TBC1D5: variants seen among roughly 807,000 people sequenced by gnomAD.
TBC1D5 encodes TBC1 domain family, member 5.
In TBC1D5, 75 loss-of-function variants were observed where a neutral mutation model predicts 100.3. The ratio of observed to expected loss-of-function variants is 0.75; its 90% CI spans 0.62 to 0.91. The LOEUF is 0.91. TBC1D5 is among the 40% of genes least tolerant of loss of function. TBC1D5 has a pLI of 0.00. For synonymous variants in TBC1D5, 323 were observed against 325.6 expected (o/e 0.99, Z 0.09); for missense variants, 910 against 942.4 (o/e 0.97, Z 0.45).
chr3:17,183,150 A>G (rs1006672360), intron 19 of TBC1D5, among the ~76,000 whole-genome samples: 7 of 152,120 alleles, frequency 4.6e-5, no homozygotes, highest in African/African-American at 1.4e-4. Flanking sequence ...TCACTTTACA[A>G]CCTAGCTCTG....
chr3:17,574,775 G>T (rs2096647528), intron 2 of TBC1D5, among the ~76,000 whole-genome samples: 1 of 152,036 alleles, frequency 6.6e-6, no homozygotes. Flanking sequence ...GTGTCACCAG[G>T]TTTGCCACTT....
At chr3:17,316,002 A>T (rs1257733448) in intron 13 of TBC1D5, among the ~76,000 whole-genome samples, 2 of 152,116 alleles carry the variant, frequency 1.3e-5, no homozygotes, top group Admixed American at 1.3e-4. Context: ...GTAGGGCAAA[A>T]ATAGGGAAGT....
chr3:17,210,408 G>A (rs932356521), intron 18 of TBC1D5, among the ~76,000 whole-genome samples: 64 of 151,576 alleles, frequency 4.2e-4, no homozygotes, highest in African/African-American at 1.5e-3. Context: ...GGCTGGTCTC[G>A]AACTCCTGAC....
chr3:17,379,093 CT>C (rs143444968), intron 9 of TBC1D5, among the ~76,000 whole-genome samples: 4,483 of 145,534 alleles, frequency 0.031, 220 homozygotes, highest in African/African-American at 0.1. Flanking sequence ...TTTTCTGCTC[CT>C]TTTTTTTTTC....
chr3:17,666,713 GC>G lies in TBC1D5; in HGVS notation c.-100-42801del, dbSNP rs202129378. On this transcript the variant is annotated intron_variant, in intron 1 of 21. Coordinates refer to ENST00000253692, the Ensembl canonical transcript of TBC1D5. The stretch of plus-strand genomic sequence containing the variant: ...CTTAGTAAAATCAATTTTCACAAAA[GC>G]CCTACCTGTGTAACGATCTTATATA... 7.3e-3 allele frequency among the ~76,000 whole-genome samples: 1,115 copies of G among 152,136 alleles called. 10 individuals are homozygous for G. The highest frequency in any genetic ancestry group is 0.048 in the Middle Eastern group (14 of 294).
intron 2 of TBC1D5, among the ~76,000 whole-genome samples, chr3:17,548,963 T>C (rs1398433326): frequency 2.6e-5 from 4 of 152,200 alleles, no homozygotes; most frequent in Non-Finnish European, 2.9e-5. Flanking sequence ...TGTTAAACCT[T>C]GGTTATTAAT....
rs1576065709 is a variant in TBC1D5, at chr3:17,220,719, G to T, written c.1589-6349C>A. Among the ~76,000 whole-genome samples, 3 of 151,748 alleles carry T rather than the reference G, an allele frequency of 2.0e-5. No homozygotes were observed. The South Asian group carries it at 6.3e-4, about 32-fold the overall frequency. ...TCATGAATTTTCTCCTTGCTCCTTG[G>T]AACTCCTTAAGCCAGTGGCTTTTAT... is the stretch of plus-strand genomic sequence containing the variant. On this transcript the variant is annotated intron_variant, in intron 17 of 21. Transcript: ENST00000253692.
chr3:17,383,903 T>C lies in TBC1D5; in HGVS notation c.612+10A>G, dbSNP rs759644643. On this transcript the variant is annotated intron_variant, in intron 9 of 21. Transcript: ENST00000253692. ...GTCAATGGATGCCACCTGTAAGATA[T>C]TTTCATTACCTGTTTATAAAGCAAC... The C allele has an allele frequency of 1.3e-6, 2 of 1,580,842 alleles. No individual in the cohort carries two copies. Among genetic ancestry groups the C allele is most frequent in the South Asian group, 1.2e-5 (1 of 86,708 alleles).
intron 3 of TBC1D5, among the ~76,000 whole-genome samples, chr3:17,482,033 G>A (rs572207721): frequency 1.3e-5 from 2 of 152,282 alleles, no homozygotes; most frequent in East Asian, 1.9e-4. Context: ...GGGCCACCGC[G>A]CCTGGCCGAC....
intron 2 of TBC1D5, among the ~76,000 whole-genome samples, chr3:17,571,525 C>T (rs968913841): frequency 6.6e-6 from 1 of 151,960 alleles, no homozygotes; most frequent in Non-Finnish European, 1.5e-5. Flanking sequence ...TCATTTAAAT[C>T]TCTTATTCTC....
intron 17 of TBC1D5, among the ~76,000 whole-genome samples, chr3:17,215,715 T>C (rs915523151): frequency 6.6e-6 from 1 of 152,020 alleles, no homozygotes; most frequent in African/African-American, 2.4e-5. Flanking sequence ...CTTGGAAACG[T>C]TACAATTTAA....
chr3:17,555,460 T>G (rs573003599), intron 2 of TBC1D5, among the ~76,000 whole-genome samples: 1 of 152,280 alleles, frequency 6.6e-6, no homozygotes, highest in South Asian at 2.1e-4. Context: ...TCAAAGATTT[T>G]CTGGTTGGCA....
chr3:17,237,412 G>A (rs1483758182), intron 17 of TBC1D5, among the ~76,000 whole-genome samples: 1 of 152,168 alleles, frequency 6.6e-6, no homozygotes, highest in Non-Finnish European at 1.5e-5. Flanking sequence ...AAAATGCAAA[G>A]GTTCAGAGTA....
chr3:17,372,379 G>T, intron 12 of TBC1D5, 132 bp from the exon 13 acceptor site: 1 of 748,548 alleles, frequency 1.3e-6, no homozygotes, highest in Non-Finnish European at 1.9e-6. Context: ...AAAAAAAGGT[G>T]AGAGCACCAT....
Position 17,706,228 on chromosome 3 carries a change from G to A in TBC1D5, c.-101+33115C>T, listed in dbSNP as rs972481475. The A allele has an allele frequency of 4.5e-6, 7 of 1,549,126 alleles. No individual in the cohort carries two copies. The East Asian group carries it at 7.3e-5, about 16-fold the overall frequency. On this transcript the variant is annotated intron_variant, in intron 1 of 21. Coordinates refer to ENST00000253692, the Ensembl canonical transcript of TBC1D5. The stretch of plus-strand genomic sequence containing the variant: ...GCGGCGAGGCCCAGGCTGTGGAGGC[G>A]GCGGCCACCACATTGATATTTGTAC...
At chr3:17,711,607 TATC>T (rs1249028954) in intron 1 of TBC1D5, among the ~76,000 whole-genome samples, 1 of 152,230 alleles carries the variant, frequency 6.6e-6, no homozygotes, top group Non-Finnish European at 1.5e-5. Context: ...TTGAAAATAG[TATC>T]ATACGTATTT....
At chr3:17,354,069 T>C (rs996220071) in intron 13 of TBC1D5, among the ~76,000 whole-genome samples, 2 of 152,004 alleles carry the variant, frequency 1.3e-5, no homozygotes, top group Non-Finnish European at 2.9e-5. Flanking sequence ...CGGTATGTAG[T>C]GGTTAAGACA....
intron 2 of TBC1D5, among the ~76,000 whole-genome samples, chr3:17,610,974 C>A (rs577775419): frequency 6.6e-6 from 1 of 152,278 alleles, no homozygotes; most frequent in Admixed American, 6.5e-5. Flanking sequence ...CATGCCATTG[C>A]ACTCCAGCCT....
At chr3:17,662,796 T>A (rs2066792518) in intron 1 of TBC1D5, among the ~76,000 whole-genome samples, 1 of 151,374 alleles carries the variant, frequency 6.6e-6, no homozygotes, top group Non-Finnish European at 1.5e-5. Flanking sequence ...ATTTAGTGAG[T>A]TTTTTTTTAA....
Sources: gnomAD v4.1 joint callset for allele counts (sites outside exome capture counted in the v4.1 genomes callset) on GRCh38, gnomAD v4.1.1 for gene constraint, MANE v1.5 for transcripts, NCBI Gene and HGNC (gene_info 2026-07-23, HGNC 2026-07-21) for gene names.